Variants in JPH3 observed in about 807,000 individuals in gnomAD.
JPH3 encodes the protein junctophilin 3, also known as junctophilin-3.
JPH3 carries 11 observed loss-of-function variants against 59.6 expected under a neutral mutation model. The observed-to-expected ratio is 0.18, with a 90% CI of 0.12 to 0.31. The LOEUF (loss-of-function observed/expected upper bound fraction) is 0.31, where lower values mean the gene tolerates loss of function less well. Ranked by LOEUF, JPH3 falls within the 10% of genes least tolerant of loss-of-function variation. JPH3 has a pLI of 1.00. For synonymous variants in JPH3, 673 were observed against 483.6 expected (o/e 1.39, Z -5.14); for missense variants, 1,202 against 1,105.7 (o/e 1.09, Z -1.24).
intron 2 of JPH3, among the ~76,000 whole-genome samples, chr16:87,663,530 G>A (rs531967239): frequency 3.0e-4 from 46 of 152,298 alleles, no homozygotes; most frequent in South Asian, 6.2e-4. Flanking sequence ...CAAGTTTCCC[G>A]TTTTCCTTTG....
At position 87,688,676 on chromosome 16, in the gene JPH3, C is replaced by T. The variant is rs532189896; in HGVS notation, c.1286-970C>T. ...CTCCCCAAATTCCCACAGAGCTCTG[C>T]ACCATTTTGGCTCGGGCAGGACGGG... On this transcript the variant is annotated intron_variant, in intron 3 of 4. Transcript: ENST00000284262. Among the ~76,000 whole-genome samples, 5 of 152,270 alleles carry T rather than the reference C, an allele frequency of 3.3e-5. No individual in the cohort carries two copies. In the East Asian group the frequency reaches 9.7e-4, roughly 29 times the overall value.
In JPH3 at chr16:87,676,947, G is replaced by A. The variant is rs373608182; in HGVS notation, c.1161-7195G>A. ...AGCACTTGGGGAGGCTGAAGTGGGC[G>A]GATCACGAGGTCAGGAGATCGAAAC... is the stretch of plus-strand genomic sequence containing the variant. On this transcript the variant is annotated intron_variant, in intron 2 of 4. Transcript: ENST00000284262. Among the ~76,000 whole-genome samples the A allele has an allele frequency of 4.6e-5, 7 of 151,756 alleles. No homozygotes were observed. In the East Asian group the frequency reaches 5.8e-4, roughly 13 times the overall value.
At chr16:87,616,892 C>T (rs563030572) in intron 1 of JPH3, among the ~76,000 whole-genome samples, 1 of 152,330 alleles carries the variant, frequency 6.6e-6, no homozygotes, top group East Asian at 1.9e-4. Context: ...CGTCACTCAG[C>T]CTCATTTGCT....
chr16:87,680,082 G>C (rs1169186853), intron 2 of JPH3, among the ~76,000 whole-genome samples: 1 of 152,266 alleles, frequency 6.6e-6, no homozygotes, highest in African/African-American at 2.4e-5. Flanking sequence ...CCACCCAGCT[G>C]CCTCCCTTGC....
At chr16:87,621,852 G>A (rs1357511918) in intron 1 of JPH3, among the ~76,000 whole-genome samples, 1 of 152,268 alleles carries the variant, frequency 6.6e-6, no homozygotes, top group Admixed American at 6.5e-5. Context: ...CTGTGGGTGC[G>A]TTGGTCACTG....
intron 1 of JPH3, among the ~76,000 whole-genome samples, chr16:87,618,223 A>G (rs939862438): frequency 1.3e-5 from 2 of 152,170 alleles, no homozygotes; most frequent in Non-Finnish European, 2.9e-5. Flanking sequence ...TTATTTAAAG[A>G]AAACAGAAAG....
At chr16:87,663,309 C>T (rs1300149900) in intron 2 of JPH3, among the ~76,000 whole-genome samples, 1 of 152,118 alleles carries the variant, frequency 6.6e-6, no homozygotes, top group Non-Finnish European at 1.5e-5. Flanking sequence ...GGCTTCACCA[C>T]GTTGGTCAGG....
chr16:87,618,981 C>T (rs929628410), intron 1 of JPH3, among the ~76,000 whole-genome samples: 5 of 151,476 alleles, frequency 3.3e-5, no homozygotes, highest in Admixed American at 1.3e-4. Context: ...CCCAGCTACT[C>T]GGAAGCTGAG....
intron 1 of JPH3, among the ~76,000 whole-genome samples, chr16:87,610,445 C>G (rs1408852730): frequency 2.6e-5 from 4 of 152,178 alleles, no homozygotes; most frequent in East Asian, 1.9e-4. Context: ...ATGCTGGTCA[C>G]TGCCATGTGC....
At chr16:87,669,631 C>T (rs1406945775) in intron 2 of JPH3, among the ~76,000 whole-genome samples, 2 of 152,186 alleles carry the variant, frequency 1.3e-5, no homozygotes, top group East Asian at 3.9e-4. Context: ...TGAGTTTCCA[C>T]AGCAGTGAGA....
intron 2 of JPH3, among the ~76,000 whole-genome samples, chr16:87,648,807 G>A (rs554385405): frequency 1.3e-5 from 2 of 152,296 alleles, no homozygotes; most frequent in East Asian, 3.9e-4. Flanking sequence ...CCAGGTGCCT[G>A]GAGGGCTTGT....
At chr16:87,683,799 T>G (rs2033351658) in intron 2 of JPH3, 1 of 228,606 alleles carries the variant, frequency 4.4e-6, no homozygotes, top group Admixed American at 5.4e-5. Flanking sequence ...AGAGACAGGC[T>G]TTTGCCATGT....
intron 3 of JPH3, among the ~76,000 whole-genome samples, chr16:87,688,141 C>T (rs1290054771): frequency 6.6e-6 from 1 of 152,140 alleles, no homozygotes; most frequent in Non-Finnish European, 1.5e-5. Flanking sequence ...CAGCCCAGCC[C>T]TGTTTCTGGG....
chr16:87,684,282 C>A lies in JPH3; in HGVS notation c.1285+16C>A, dbSNP rs768775789. On this transcript the variant is annotated intron_variant, in intron 3 of 4. Coordinates refer to ENST00000284262, the MANE Select transcript of JPH3 (RefSeq NM_020655.4). ...CGGGAAAACGGTGAGTCTCGCCGGG[C>A]CTGATACTGGCATCGTGGGGAGGGG... is the stretch of plus-strand genomic sequence containing the variant. 1 of 1,613,258 alleles carries A rather than the reference C, an allele frequency of 6.2e-7. No individual in the cohort carries two copies. Among genetic ancestry groups the A allele is most frequent in the Admixed American group, 1.7e-5 (1 of 59,984 alleles).
chr16:87,664,537 A>T (rs1004173160), intron 2 of JPH3, among the ~76,000 whole-genome samples: 1 of 151,818 alleles, frequency 6.6e-6, no homozygotes, highest in Non-Finnish European at 1.5e-5. Flanking sequence ...AGGCAGGAGA[A>T]TTGCTTGAAC....
chr16:87,662,347 A>C (rs996990375), intron 2 of JPH3, among the ~76,000 whole-genome samples: 1 of 151,868 alleles, frequency 6.6e-6, no homozygotes, highest in Non-Finnish European at 1.5e-5. Context: ...TCAGCAGCAC[A>C]TTCTGCATCT....
At chr16:87,628,668 C>T (rs1043122670) in intron 1 of JPH3, among the ~76,000 whole-genome samples, 8 of 152,296 alleles carry the variant, frequency 5.3e-5, no homozygotes, top group African/African-American at 1.4e-4. Flanking sequence ...ATGTCTCCCT[C>T]GCGGGGCTGT....
chr16:87,693,836 C>A (rs1463953395), intron 4 of JPH3: 1 of 152,240 alleles, frequency 6.6e-6, no homozygotes, highest in Non-Finnish European at 1.5e-5. Flanking sequence ...CTGAGGATAG[C>A]GTCTGGATGT....
intron 1 of JPH3, among the ~76,000 whole-genome samples, chr16:87,614,699 C>T (rs2573120): frequency 0.24 from 32,178 of 133,158 alleles, 3,250 homozygotes; most frequent in Non-Finnish European, 0.31. Flanking sequence ...CGTCCCCTCC[C>T]GGGATAAACT....
Sources: gnomAD v4.1 joint callset for allele counts (sites outside exome capture counted in the v4.1 genomes callset) on GRCh38, gnomAD v4.1.1 for gene constraint, MANE v1.5 for transcripts, NCBI Gene and HGNC (gene_info 2026-07-23, HGNC 2026-07-21) for gene names.